The following MRPL1 variants were observed in gnomAD, a reference collection of about 807,000 sequenced individuals.
The protein encoded by MRPL1 is mitochondrial ribosomal protein L1, also known as large ribosomal subunit protein uL1m.
A neutral mutation model predicts 38.0 loss-of-function variants in MRPL1; 28 were observed. The observed-to-expected ratio is 0.74, with a 90% CI of 0.55 to 1.01. The LOEUF (loss-of-function observed/expected upper bound fraction) is 1.01. MRPL1 is among the 50% of genes least tolerant of loss of function. The probability of loss-of-function intolerance (pLI) is 0.00; values close to 1 mark genes in which losing one functional copy is unlikely to be tolerated. For synonymous variants in MRPL1, 123 were observed against 126.7 expected, an observed-to-expected ratio of 0.97 and a Z score of 0.20; for missense variants, 358 against 389.8, an observed-to-expected ratio of 0.92 and a Z score of 0.69.
intron 2 of MRPL1, among the ~76,000 whole-genome samples, chr4:77,882,355 C>G (rs922606120): frequency 6.6e-5 from 10 of 152,208 alleles, no homozygotes; most frequent in African/African-American, 1.9e-4. Flanking sequence ...CACAATTCAC[C>G]CATTTAAAGT....
intron 2 of MRPL1, among the ~76,000 whole-genome samples, chr4:77,881,272 C>G (rs1735534227): frequency 6.6e-6 from 1 of 152,004 alleles, no homozygotes; most frequent in Non-Finnish European, 1.5e-5. Context: ...AACTTCATAT[C>G]CCCCAAACTT....
intron 7 of MRPL1, among the ~76,000 whole-genome samples, chr4:77,931,620 T>A (rs7656319): frequency 0.22 from 33,402 of 152,130 alleles, 4,431 homozygotes; most frequent in African/African-American, 0.36. Flanking sequence ...TTGCCAACCA[T>A]TACCACAGCT....
At chr4:77,883,209 T>A in intron 2 of MRPL1, 33 bp from the exon 3 acceptor site, 1 of 1,378,432 alleles carries the variant, frequency 7.3e-7, no homozygotes, top group Non-Finnish European at 9.8e-7. Flanking sequence ...TTAGGATATA[T>A]ATTGATATAA....
chr4:77,882,984 G>C (rs80000282), intron 2 of MRPL1, among the ~76,000 whole-genome samples: 10,733 of 152,212 alleles, frequency 0.071, 600 homozygotes, highest in African/African-American at 0.15. Flanking sequence ...TGACCTGTTA[G>C]TATGTCTTTC....
intron 5 of MRPL1, among the ~76,000 whole-genome samples, chr4:77,892,370 C>T (rs535289710): frequency 2.0e-5 from 3 of 152,072 alleles, no homozygotes; most frequent in East Asian, 1.9e-4. Flanking sequence ...TGACCTCAGG[C>T]GATCCAACCT....
chr4:77,876,770 A>G (rs953270801), intron 2 of MRPL1, among the ~76,000 whole-genome samples: 17 of 151,998 alleles, frequency 1.1e-4, no homozygotes, highest in African/African-American at 3.4e-4. Context: ...TCTCCCCTCT[A>G]CCCTGTGTTG....
At position 77,952,606 on chromosome 4, in the gene MRPL1, A is replaced by T; in HGVS notation, c.977A>T (p.Ter326LeuextTer3). 1 of 1,562,834 alleles carries T rather than the reference A, an allele frequency of 6.4e-7. No homozygotes were observed. The highest frequency in any genetic ancestry group is 8.8e-7 in the Non-Finnish European group (1 of 1,135,544). ...KNEESEKEDA* is the reference protein window; with the variant it reads ...KNEESEKEDAL The stretch of plus-strand genomic sequence containing the variant: ...GAAGAAAGTGAAAAAGAAGATGCCT[A>T]AATGTGGTGAATTGTGAAATTACTT... The change falls in exon 9 of 9, where the codon TAA becomes TTA. Residue 326 changes from the stop codon to leucine (L), a stop_lost. Transcript: ENST00000315567.
At chr4:77,941,693 A>G (rs904832611) in intron 7 of MRPL1, among the ~76,000 whole-genome samples, 1 of 151,976 alleles carries the variant, frequency 6.6e-6, no homozygotes, top group African/African-American at 2.4e-5. Context: ...GATCTTTTGT[A>G]TTTCTGTGGT....
rs1197126301 is a variant in MRPL1 at position 77,932,406 on chromosome 4, A to G, written c.778-17391A>G. On this transcript the variant is annotated intron_variant, in intron 7 of 8. Coordinates refer to ENST00000315567, the MANE Select transcript of MRPL1 (RefSeq NM_020236.4). ...TTGGGAAGGAATAGATCCTTGGCCC[A>G]TTTGTGAGATCACAAATGACAGTGA... Among the ~76,000 whole-genome samples the G allele has an allele frequency of 3.3e-5, 5 of 152,270 alleles. No individual in the cohort carries two copies. In the South Asian group the frequency reaches 1.0e-3, roughly 32 times the overall value.
chr4:77,913,289 T>C (rs757134235), intron 7 of MRPL1, among the ~76,000 whole-genome samples: 4 of 152,118 alleles, frequency 2.6e-5, no homozygotes, highest in African/African-American at 4.8e-5. Flanking sequence ...ATTCAAAATA[T>C]ATAAAGAACT....
intron 7 of MRPL1, among the ~76,000 whole-genome samples, chr4:77,939,256 G>A (rs146605635): frequency 2.5e-4 from 38 of 152,166 alleles, no homozygotes; most frequent in African/African-American, 8.7e-4. Context: ...AGGTGGTATC[G>A]CATTGTGGTT....
rs1578039811 is a variant in MRPL1 at position 77,878,629 on chromosome 4, T to C, written c.144-4613T>C. Among the ~76,000 whole-genome samples the C allele has an allele frequency of 2.6e-5, 4 of 152,218 alleles. No homozygotes were observed. The Middle Eastern group carries it at 0.014, about 518-fold the overall frequency. On this transcript the variant is annotated intron_variant, in intron 2 of 8. Coordinates refer to ENST00000315567, the MANE Select transcript of MRPL1 (RefSeq NM_020236.4). ...GTGCAGTGGCTCATGTCTGTAATCC[T>C]AGCACTTTGGGAGGCCGAGGCGGGC...
At chr4:77,889,824 A>G (rs1001075977) in intron 5 of MRPL1, among the ~76,000 whole-genome samples, 21 of 152,338 alleles carry the variant, frequency 1.4e-4, no homozygotes, top group Admixed American at 5.9e-4. Context: ...CAGAAATACA[A>G]ACTACCATCA....
chr4:77,949,974 T>C (rs1737369299), intron 8 of MRPL1, 96 bp downstream of exon 8: 1 of 581,742 alleles, frequency 1.7e-6, no homozygotes, highest in Non-Finnish European at 3.0e-6. Context: ...GCAAGTATAA[T>C]AGCAAAATGT....
chr4:77,926,923 G>A lies in MRPL1; in HGVS notation c.777+17551G>A, dbSNP rs191945490. Among the ~76,000 whole-genome samples, 172 of 151,992 alleles carry A rather than the reference G, an allele frequency of 1.1e-3. 1 individual carries two copies. The highest frequency in any genetic ancestry group is 4.1e-3 in the African/African-American group (170 of 41,466). The stretch of plus-strand genomic sequence containing the variant: ...CTCATCTGGCCTATAACTTGTTTTT[G>A]ATGCTTGTTTTCAGGTTTCTCTTCT... On this transcript the variant is annotated intron_variant, in intron 7 of 8. Coordinates refer to ENST00000315567, the MANE Select transcript of MRPL1 (RefSeq NM_020236.4).
chr4:77,936,804 G>A (rs1736991878), intron 7 of MRPL1, among the ~76,000 whole-genome samples: 1 of 152,110 alleles, frequency 6.6e-6, no homozygotes, highest in Non-Finnish European at 1.5e-5. Context: ...CTGTGTCTAT[G>A]TACGAATGTG....
At chr4:77,927,885 GAAAAGAGTAAGAC>G (rs1736752717) in intron 7 of MRPL1, among the ~76,000 whole-genome samples, 1 of 152,122 alleles carries the variant, frequency 6.6e-6, no homozygotes, top group South Asian at 2.1e-4. Flanking sequence ...CTAGAGAGAA[GAAAAGAGTAAGAC>G]AACTCAGAGT....
chr4:77,878,123 C>T (rs1476734009), intron 2 of MRPL1, among the ~76,000 whole-genome samples: 1 of 152,174 alleles, frequency 6.6e-6, no homozygotes, highest in South Asian at 2.1e-4. Context: ...GCAAGGGAGA[C>T]TGTGGTGGGA....
In MRPL1 at chr4:77,894,123, T is replaced by A. The variant is rs969081958; in HGVS notation, c.559-16T>A. The A allele has an allele frequency of 1.3e-6, 2 of 1,482,658 alleles. No homozygotes were observed. Among genetic ancestry groups the A allele is most frequent in the Non-Finnish European group, 1.9e-6 (2 of 1,072,058 alleles). 91.8% of individuals were successfully genotyped at this position (1,482,658 alleles called of 1,614,324 possible). ...TTCATCTCATCTGAGGTCACCTTTT[T>A]TTTTTTAATTTTCAGATTTGGGATG... On this transcript the variant is annotated splice_polypyrimidine_tract_variant and intron_variant, in intron 5 of 8. Transcript: ENST00000315567.
Sources: gnomAD v4.1 joint callset for allele counts (sites outside exome capture counted in the v4.1 genomes callset) on GRCh38, gnomAD v4.1.1 for gene constraint, MANE v1.5 for transcripts, NCBI Gene and HGNC (gene_info 2026-07-23, HGNC 2026-07-21) for gene names.